MNS1: variants seen among roughly 807,000 people sequenced by gnomAD.
MNS1 encodes meiosis-specific nuclear structural protein 1.
Under a neutral mutation model 72.0 loss-of-function variants are expected in MNS1, and 63 were observed. The ratio of observed to expected loss-of-function variants is 0.87; its 90% CI spans 0.71 to 1.08. The LOEUF (loss-of-function observed/expected upper bound fraction) is 1.08. MNS1 is among the 50% of genes least tolerant of loss of function. The pLI is 0.00. For synonymous variants in MNS1, 188 were observed against 172.1 expected (o/e 1.09, Z -0.72); for missense variants, 604 against 562.4 (o/e 1.07, Z -0.75).
rs745360818 is a variant in MNS1 at position 56,443,783 on chromosome 15, G to C, written c.758C>G (p.Ala253Gly). ...CTCACGTTTCTTTTTTCTCCAGAGAGCCTGCTCTTTCTGAAACTCTTCTAT... is the reference window on the plus strand; with the variant it reads ...CTCACGTTTCTTTTTTCTCCAGAGACCCTGCTCTTTCTGAAACTCTTCTAT... Reference protein sequence around the residue: ...RYIEEFQKEQALWRKKKREEM... With the variant: ...RYIEEFQKEQGLWRKKKREEM... The change falls in exon 6 of 10, where the codon GCT becomes GGT. Residue 253 changes from alanine (A) to glycine (G), a missense_variant. Transcript: ENST00000260453. 1.2e-6 allele frequency: 2 copies of C among 1,612,666 alleles called. No individual in the cohort carries two copies. The highest frequency in any genetic ancestry group is 3.3e-5 in the Admixed American group (2 of 59,964).
At chr15:56,432,325 T>TCTGA (rs2050618201) in intron 8 of MNS1, among the ~76,000 whole-genome samples, 1 of 152,210 alleles carries the variant, frequency 6.6e-6, no homozygotes, top group Non-Finnish European at 1.5e-5. Flanking sequence ...TAGGACAAAT[T>TCTGA]CTGAATAGCT....
rs2050857970 is a variant in MNS1, at chr15:56,443,708, T to C, written c.833A>G (p.Gln278Arg). 1.2e-6 allele frequency: 2 copies of C among 1,613,552 alleles called. No homozygotes were observed. The highest frequency in any genetic ancestry group is 1.7e-6 in the Non-Finnish European group (2 of 1,179,754). Residue 278 changes from glutamine (Q) to arginine (R), a missense_variant, in exon 6 of 10, where the codon CAG becomes CGG. Gln to Arg is a conservative substitution (Grantham distance 43, BLOSUM62 1). Coordinates refer to ENST00000260453, the MANE Select transcript of MNS1 (RefSeq NM_018365.4). ...TGCCATCCGATCTTCTTCTCTTTGC[T>C]GCTGCATGTTAGCAAACTCTATGAT... Reference protein sequence around the residue: ...RKIIEFANMQQQREEDRMAKV... With the variant: ...RKIIEFANMQRQREEDRMAKV...
In MNS1 at chr15:56,446,845, T is replaced by A. The variant is rs200473366; in HGVS notation, c.452A>T (p.Gln151Leu). Residue 151 changes from glutamine to leucine, a missense_variant, in exon 4 of 10, where the codon CAA (glutamine) becomes CTA (leucine). By Grantham distance (113) the Gln-to-Leu change is moderately radical. Coordinates refer to ENST00000260453, the MANE Select transcript of MNS1 (RefSeq NM_018365.4). Reference protein sequence around the residue: ...IAEKDAIKYEQMKRDAEIAKT... With the variant: ...IAEKDAIKYELMKRDAEIAKT... ...AATGACCAGAAACATGATTACCATT[T>A]GTTCATATTTAATGGCATCCTTTTC... 3.3e-5 allele frequency: 52 copies of A among 1,599,816 alleles called. No homozygotes were observed. In the African/African-American group the frequency reaches 6.6e-4, roughly 20 times the overall value.
chr15:56,457,136 C>T (rs1023778406), intron 2 of MNS1, among the ~76,000 whole-genome samples: 3 of 152,156 alleles, frequency 2.0e-5, no homozygotes, highest in African/African-American at 7.2e-5. Context: ...CACCTCTACA[C>T]ACATTTTTCC....
At chr15:56,449,135 T>A (rs1443176995) in intron 3 of MNS1, among the ~76,000 whole-genome samples, 1 of 152,170 alleles carries the variant, frequency 6.6e-6, no homozygotes, top group African/African-American at 2.4e-5. Flanking sequence ...TTAATGCCAA[T>A]CCTAGCACCT....
intron 2 of MNS1, among the ~76,000 whole-genome samples, chr15:56,462,403 G>A (rs772521821): frequency 6.6e-6 from 1 of 152,134 alleles, no homozygotes; most frequent in African/African-American, 2.4e-5. Flanking sequence ...TCCCTGTTGT[G>A]ACACAATGAC....
chr15:56,447,018 CTG>C (rs2050910192), intron 3 of MNS1, 75 bp from the exon 4 acceptor site: 1 of 991,246 alleles, frequency 1.0e-6, no homozygotes, highest in Non-Finnish European at 1.5e-6. Context: ...AACTGAGTAA[CTG>C]TATTTTTAAT....
In MNS1 at chr15:56,464,223, A is replaced by T; in HGVS notation, c.28T>A (p.Cys10Ser). The T allele has an allele frequency of 6.2e-7, 1 of 1,609,786 alleles. No individual in the cohort carries two copies. The highest frequency in any genetic ancestry group is 8.5e-7 in the Non-Finnish European group (1 of 1,178,878). Residue 10 changes from cysteine to serine, a missense_variant, in exon 2 of 10, where the codon TGT becomes AGT. Cys to Ser is a moderately radical substitution (Grantham distance 112). Coordinates refer to ENST00000260453, the MANE Select transcript of MNS1 (RefSeq NM_018365.4). ...ACTAATTTCTGATGCCTTTCACTAC[A>T]GCTCAAATTTCTCCTTTTGGAACCC... MGSKRRNLS[C>S]SERHQKLVDE... is the part of the protein sequence containing the mutation.
At chr15:56,449,541 A>G (rs2050933592) in intron 3 of MNS1, among the ~76,000 whole-genome samples, 1 of 152,176 alleles carries the variant, frequency 6.6e-6, no homozygotes, top group Admixed American at 6.5e-5. Context: ...TTCATGAGAG[A>G]GATTAGTCTA....
chr15:56,460,009 A>AAAAAAAAAAATATATATATATAT lies in MNS1; in HGVS notation c.226-3489_226-3488insATATATATATATATTTTTTTTTT. ...CTGTCTCAAAAAAAAAAAAAAAAAA[A>AAAAAAAAAAATATATATATATAT]ATACATATATATATATATATATATA... On this transcript the variant is annotated intron_variant, in intron 2 of 9. Transcript: ENST00000260453. 6.1e-4 allele frequency among the ~76,000 whole-genome samples: 16 copies of AAAAAAAAAAATATATATATATAT among 26,384 alleles called. 4 individuals carry two copies. Among genetic ancestry groups the AAAAAAAAAAATATATATATATAT allele is most frequent in the East Asian group, 1.1e-3 (1 of 876 alleles). The allele number at this position is 26,384 out of a possible 152,430, so 17.3% of individuals were successfully genotyped here. A position where few individuals can be genotyped will look rare whatever the true frequency, so the allele number is the denominator to read the frequency against.
chr15:56,445,424 C>T (rs904226247), intron 4 of MNS1, among the ~76,000 whole-genome samples: 4 of 151,848 alleles, frequency 2.6e-5, no homozygotes, highest in Admixed American at 6.6e-5. Flanking sequence ...GATCACATCC[C>T]GAATGATGGA....
intron 9 of MNS1, 190 bp from the exon 10 acceptor site, chr15:56,429,383 T>G: frequency 2.2e-6 from 1 of 462,092 alleles, no homozygotes; most frequent in Non-Finnish European, 3.8e-6. Flanking sequence ...TGAATATTCC[T>G]AGACTGACCC....
Position 56,429,150 on chromosome 15 carries a change from T to C in MNS1, c.1439A>G (p.Glu480Gly). Residue 480 changes from glutamate to glycine, a missense_variant, in exon 10 of 10, where the codon GAG (glutamate) becomes GGG (glycine). Physicochemically the swap from Glu to Gly is moderately conservative, Grantham distance 98. Transcript: ENST00000260453. Reference sequence around the variant, plus strand: ...CCTTTGTTGATATACTTTCCTGAACTCTTCACCAAGCAGATCAATATCATC... The same window carrying C: ...CCTTTGTTGATATACTTTCCTGAACCCTTCACCAAGCAGATCAATATCATC... ...KEDDIDLLGE[E>G]FRKVYQQRSE... is the part of the protein sequence containing the mutation. The C allele has an allele frequency of 1.9e-6, 3 of 1,603,342 alleles. 1 individual carries two copies. Among genetic ancestry groups the C allele is most frequent in the South Asian group, 2.3e-5 (2 of 88,656 alleles).
intron 2 of MNS1, 168 bp downstream of exon 2, chr15:56,463,858 C>T: frequency 1.7e-6 from 1 of 602,610 alleles, no homozygotes; most frequent in Non-Finnish European, 2.9e-6. Flanking sequence ...CAAAGACAGG[C>T]CGGCTCCAGA....
chr15:56,450,792 A>G (rs1206459917), intron 3 of MNS1, among the ~76,000 whole-genome samples: 1 of 152,168 alleles, frequency 6.6e-6, no homozygotes, highest in Non-Finnish European at 1.5e-5. Context: ...GCTGGCTCAT[A>G]TGGTAATCCT....
At chr15:56,440,237 T>G (rs1248687851) in intron 7 of MNS1, among the ~76,000 whole-genome samples, 1 of 152,134 alleles carries the variant, frequency 6.6e-6, no homozygotes, top group Non-Finnish European at 1.5e-5. Flanking sequence ...CATGGATATT[T>G]AAAAGTGGCT....
At chr15:56,442,731 T>G (rs2050840224) in intron 7 of MNS1, among the ~76,000 whole-genome samples, 1 of 152,110 alleles carries the variant, frequency 6.6e-6, no homozygotes, top group African/African-American at 2.4e-5. Flanking sequence ...CACTGGGGCC[T>G]ACTTGAGGGT....
intron 7 of MNS1, among the ~76,000 whole-genome samples, chr15:56,441,480 A>G (rs576829659): frequency 3.9e-4 from 59 of 152,328 alleles, no homozygotes; most frequent in East Asian, 5.8e-4. Context: ...TTGAAATACC[A>G]TTCTGGACAT....
intron 2 of MNS1, 21 bp from the exon 3 acceptor site, chr15:56,456,542 C>A: frequency 6.2e-7 from 1 of 1,603,756 alleles, no homozygotes; most frequent in South Asian, 1.1e-5. Flanking sequence ...AATTTAACTT[C>A]GTTGTTTGTC....
Sources: allele counts gnomAD v4.1 joint callset (sites outside exome capture counted in the v4.1 genomes callset), GRCh38; gene constraint gnomAD v4.1.1; transcripts MANE v1.5; gene names NCBI Gene and HGNC (gene_info 2026-07-23, HGNC 2026-07-21).